CFAP47: variants seen among roughly 807,000 people sequenced by gnomAD.
CFAP47 encodes cilia- and flagella-associated protein 47.
CFAP47 carries 29 observed loss-of-function variants against 148.1 expected under a neutral mutation model. That is an observed-to-expected ratio of 0.20 (90% CI 0.15 to 0.27). The LOEUF is 0.27. CFAP47 is among the 10% of genes least tolerant of loss of function. The pLI, the probability that CFAP47 is intolerant of heterozygous loss-of-function variation, is 1.00. For missense variants in CFAP47, 1,872 were observed against 1,697.5 expected (o/e 1.10, Z -1.81); for synonymous variants, 664 against 577.3 (o/e 1.15, Z -2.15).
At chrX:36,107,623 T>C (rs1378205845) in intron 33 of CFAP47, among the ~76,000 whole-genome samples, 1 of 112,093 alleles carries the variant, frequency 8.9e-6, no homozygotes. Flanking sequence ...TTATACTTTT[T>C]CCCTTGAGGA....
At chrX:35,980,952 A>C (rs1475139765) in intron 15 of CFAP47, among the ~76,000 whole-genome samples, 1 of 110,552 alleles carries the variant, frequency 9.0e-6, no homozygotes, top group Non-Finnish European at 1.9e-5. Flanking sequence ...TATGTTTGTG[A>C]TTTTACATAT....
chrX:36,262,544 A>T (rs1431465014), intron 49 of CFAP47, among the ~76,000 whole-genome samples: 1 of 112,130 alleles, frequency 8.9e-6, no homozygotes, highest in African/African-American at 3.2e-5. Context: ...AAATAACAGG[A>T]TCTCATTCTT....
At position 36,085,350 on chromosome X, in the gene CFAP47, G is replaced by C. The variant is rs528323979; in HGVS notation, c.4728G>C (p.Ser1576=). Residue 1576 remains serine, a synonymous_variant, in exon 30 of 64, where the codon TCG becomes TCC. Coordinates refer to ENST00000378653, the MANE Select transcript of CFAP47 (RefSeq NM_001304548.2). The part of the protein sequence containing the change: ...VYKMQFYSST[S]PPQKFSRQND... Reference sequence around the variant, plus strand: ...AAATGCAATTCTACTCATCAACCTCGCCACCCCAAAAGTTTTCCAGACAGA... The same window carrying C: ...AAATGCAATTCTACTCATCAACCTCCCCACCCCAAAAGTTTTCCAGACAGA... 1 of 1,203,042 alleles carries C rather than the reference G, an allele frequency of 8.3e-7. No homozygotes were observed. The highest frequency in any genetic ancestry group is 1.8e-5 in the South Asian group (1 of 56,480).
chrX:36,094,720 A>T (rs957817635), intron 30 of CFAP47, among the ~76,000 whole-genome samples: 2 of 111,067 alleles, frequency 1.8e-5, no homozygotes, highest in Non-Finnish European at 3.8e-5. Flanking sequence ...TTGTATGTTG[A>T]TTTTGTACTC....
At chrX:36,157,346 C>T (rs140714507) in intron 37 of CFAP47, among the ~76,000 whole-genome samples, 2,255 of 112,323 alleles carry the variant, frequency 0.02, 31 homozygotes, top group Non-Finnish European at 0.033. Context: ...ACTATGATTT[C>T]GCAGCTTGCT....
Position 36,224,384 on chromosome X carries a change from A to G in CFAP47, c.6818-4244A>G, listed in dbSNP as rs190261123. Among the ~76,000 whole-genome samples the G allele has an allele frequency of 6.3e-4, 70 of 111,631 alleles. 1 individual carries two copies. The East Asian group carries it at 0.017, about 28-fold the overall frequency. On this transcript the variant is annotated intron_variant, in intron 45 of 63. Coordinates refer to ENST00000378653, the MANE Select transcript of CFAP47 (RefSeq NM_001304548.2). ...TTGATTTTATCTTTTTCAGGTCACA[A>G]GTTTTATACATGTATGTTTCTCTGC... is the stretch of plus-strand genomic sequence containing the variant.
intron 30 of CFAP47, among the ~76,000 whole-genome samples, chrX:36,089,338 C>A (rs1390773350): frequency 9.1e-6 from 1 of 110,308 alleles, no homozygotes; most frequent in Non-Finnish European, 1.9e-5. Context: ...CACTGTACTC[C>A]AGCCTGGGCA....
At chrX:36,041,249 A>G (rs1389870814) in intron 25 of CFAP47, among the ~76,000 whole-genome samples, 1 of 111,467 alleles carries the variant, frequency 9.0e-6, no homozygotes, top group Non-Finnish European at 1.9e-5. Context: ...TTGACAAGGA[A>G]CAAAACAGAG....
Position 36,360,971 on chromosome X carries a change from T to C in CFAP47, c.8852-359T>C, listed in dbSNP as rs782487193. On this transcript the variant is annotated intron_variant, in intron 60 of 63. Coordinates refer to ENST00000378653, the MANE Select transcript of CFAP47 (RefSeq NM_001304548.2). ...CATAAGTTTTAAGTCTATAGGTTTT[T>C]AATACATTTATTATATAGAGCAAAT... 2.7e-5 allele frequency among the ~76,000 whole-genome samples: 3 copies of C among 112,125 alleles called. No individual in the cohort carries two copies. In the Admixed American group the frequency reaches 2.8e-4, roughly 11 times the overall value.
chrX:36,291,119 G>C (rs1205859481), intron 51 of CFAP47, among the ~76,000 whole-genome samples: 1 of 111,669 alleles, frequency 9.0e-6, no homozygotes, highest in African/African-American at 3.3e-5. Flanking sequence ...GGAGTGAGGC[G>C]ACCTGGGTTA....
chrX:36,208,748 C>T (rs1338106891), intron 45 of CFAP47, among the ~76,000 whole-genome samples: 1 of 111,056 alleles, frequency 9.0e-6, no homozygotes, highest in African/African-American at 3.3e-5. Context: ...GGTGGATTAC[C>T]TGAAGTCAGG....
At chrX:36,208,180 A>G (rs1376756761) in intron 45 of CFAP47, among the ~76,000 whole-genome samples, 11 of 111,642 alleles carry the variant, frequency 9.9e-5, no homozygotes, top group Non-Finnish European at 1.7e-4. Context: ...CCTAATTCCA[A>G]TTTCCCTAAT....
At chrX:35,960,409 G>GAAAAAAAAAAAAAAT (rs1936313788) in intron 8 of CFAP47, among the ~76,000 whole-genome samples, 1 of 69,696 alleles carries the variant, frequency 1.4e-5, no homozygotes, top group African/African-American at 9.2e-5. Flanking sequence ...AAAAAAAAAG[G>GAAAAAAAAAAAAAAT]ACAGCTGGAA....
chrX:36,125,936 C>A (rs1174106541), intron 33 of CFAP47, among the ~76,000 whole-genome samples: 1 of 111,163 alleles, frequency 9.0e-6, no homozygotes, highest in Non-Finnish European at 1.9e-5. Flanking sequence ...ATGTGTAACA[C>A]TTATATTCTG....
chrX:35,924,448 T>C (rs1317055233), intron 1 of CFAP47, among the ~76,000 whole-genome samples: 1 of 105,403 alleles, frequency 9.5e-6, no homozygotes, highest in Non-Finnish European at 2.0e-5. Flanking sequence ...TGTACACCTA[T>C]ATGTGTATAT....
intron 26 of CFAP47, among the ~76,000 whole-genome samples, chrX:36,051,647 A>G (rs1937520738): frequency 9.0e-6 from 1 of 111,711 alleles, no homozygotes; most frequent in African/African-American, 3.3e-5. Flanking sequence ...CTTGCCTTAT[A>G]TCAGATGAGA....
intron 26 of CFAP47, among the ~76,000 whole-genome samples, chrX:36,055,928 T>C (rs2146743753): frequency 8.9e-6 from 1 of 111,842 alleles, no homozygotes; most frequent in South Asian, 3.8e-4. Context: ...GAGCTTTTTT[T>C]TTTCATGTTT....
At chrX:36,123,389 G>A (rs960051924) in intron 33 of CFAP47, among the ~76,000 whole-genome samples, 1 of 111,943 alleles carries the variant, frequency 8.9e-6, no homozygotes. Flanking sequence ...AGTTCCCCCA[G>A]GTCCCAAGTG....
At chrX:36,376,392 G>A (rs1018302930) in intron 62 of CFAP47, among the ~76,000 whole-genome samples, 8 of 111,565 alleles carry the variant, frequency 7.2e-5, no homozygotes, top group Admixed American at 6.6e-4. Flanking sequence ...TCTAGAGCAT[G>A]CTAAGTCCCA....
Sources: gnomAD v4.1 joint callset for allele counts (sites outside exome capture counted in the v4.1 genomes callset) on GRCh38, gnomAD v4.1.1 for gene constraint, MANE v1.5 for transcripts, NCBI Gene and HGNC (gene_info 2026-07-23, HGNC 2026-07-21) for gene names.